Variants in RGS9 observed in about 807,000 individuals in gnomAD.
The protein encoded by RGS9 is regulator of G-protein signalling 9.
RGS9 carries 78 observed loss-of-function variants against 102.0 expected under a neutral mutation model. The ratio of observed to expected loss-of-function variants is 0.76; its 90% CI spans 0.64 to 0.92. The LOEUF (loss-of-function observed/expected upper bound fraction) is 0.92. RGS9 is among the 40% of genes least tolerant of loss of function. The pLI, the probability that RGS9 is intolerant of heterozygous loss-of-function variation, is 0.00. For synonymous variants in RGS9, 353 were observed against 318.6 expected (o/e 1.11, Z -1.15); for missense variants, 833 against 866.1 (o/e 0.96, Z 0.48).
Position 65,213,205 on chromosome 17 carries a change from G to T in RGS9, c.1407+2600G>T, listed in dbSNP as rs532125936. On this transcript the variant is annotated intron_variant, in intron 17 of 18. Coordinates refer to ENST00000262406, the MANE Select transcript of RGS9 (RefSeq NM_003835.4). ...TTTACTTGAAGATTTGGAATGGGAG[G>T]AAAATTAGGTAATTTCTAAAAGTTT... Among the ~76,000 whole-genome samples the T allele has an allele frequency of 1.7e-4, 26 of 152,222 alleles. 1 individual carries two copies. In the South Asian group the frequency reaches 5.4e-3, roughly 32 times the overall value.
chr17:65,168,162 A>AGACTT (rs1911265562), intron 7 of RGS9, 38 bp from the exon 8 acceptor site: 2 of 1,445,638 alleles, frequency 1.4e-6, no homozygotes, highest in African/African-American at 1.4e-5. Context: ...AAAGACACAA[A>AGACTT]GTCTTCCTGG....
intron 1 of RGS9, among the ~76,000 whole-genome samples, chr17:65,151,655 C>G (rs1360868473): frequency 6.6e-6 from 1 of 152,230 alleles, no homozygotes; most frequent in Non-Finnish European, 1.5e-5. Context: ...CCTTCCAAGG[C>G]AGACACCTTT....
At chr17:65,210,052 T>C (rs1157260362) in intron 16 of RGS9, among the ~76,000 whole-genome samples, 1 of 152,102 alleles carries the variant, frequency 6.6e-6, no homozygotes. Context: ...CATTCCAGCC[T>C]CGGTGATTCA....
chr17:65,189,536 C>A (rs573614731), intron 10 of RGS9, among the ~76,000 whole-genome samples: 1 of 152,188 alleles, frequency 6.6e-6, no homozygotes, highest in South Asian at 2.1e-4. Flanking sequence ...AAAAACCCCT[C>A]GAAGGCACAG....
intron 1 of RGS9, among the ~76,000 whole-genome samples, chr17:65,150,925 A>G (rs1910554489): frequency 6.6e-6 from 1 of 152,190 alleles, no homozygotes; most frequent in East Asian, 1.9e-4. Context: ...GGGGAACATG[A>G]AGTTTGAAAC....
rs1913144020 is a variant in RGS9, at chr17:65,208,155, C to T, written c.1289+148C>T. On this transcript the variant is annotated intron_variant, in intron 16 of 18. Coordinates refer to ENST00000262406, the MANE Select transcript of RGS9 (RefSeq NM_003835.4). ...AGTATTGCTCAGGGAATGAGTGCCTCATTTGCTTCATAATGCCCTGAAATC... is the reference window on the plus strand; with the variant it reads ...AGTATTGCTCAGGGAATGAGTGCCTTATTTGCTTCATAATGCCCTGAAATC... The T allele has an allele frequency of 9.2e-6, 6 of 655,708 alleles. No homozygotes were observed. The South Asian group carries it at 9.2e-5, about 10-fold the overall frequency. The allele number at this position is 655,708 out of a possible 1,614,324, so 40.6% of individuals were successfully genotyped here.
intron 17 of RGS9, among the ~76,000 whole-genome samples, chr17:65,223,597 C>G (rs1328640555): frequency 6.6e-6 from 1 of 152,202 alleles, no homozygotes; most frequent in African/African-American, 2.4e-5. Context: ...TCCTTCAGCC[C>G]GGGGGCAGTG....
chr17:65,146,633 G>A (rs915875410), intron 1 of RGS9, among the ~76,000 whole-genome samples: 1 of 151,686 alleles, frequency 6.6e-6, no homozygotes, highest in East Asian at 1.9e-4. Flanking sequence ...GGTGGCTCAT[G>A]CCTGTAATCC....
chr17:65,226,617 G>GTTT (rs142345483), intron 18 of RGS9, among the ~76,000 whole-genome samples: 1,538 of 142,186 alleles, frequency 0.011, 36 homozygotes, highest in African/African-American at 0.039. Flanking sequence ...TTGTCTGGGT[G>GTTT]TTTTTTTTTT....
rs1905762897 is a variant in RGS9 at position 65,227,678 on chromosome 17, A to G, written c.*271A>G. ...TTTCCCTGCTGCCTTAAAACCAATA[A>G]AAGGTTAACTTTAAGTTTCTTGGAA... On this transcript the variant is annotated 3_prime_UTR_variant, in exon 19 of 19. Transcript: ENST00000262406. 1 of 495,268 alleles carries G rather than the reference A, an allele frequency of 2.0e-6. No individual in the cohort carries two copies. Among genetic ancestry groups the G allele is most frequent in the East Asian group, 3.8e-5 (1 of 26,622 alleles). The allele number at this position is 495,268 out of a possible 1,614,324, so 30.7% of individuals were successfully genotyped here. A position where few individuals can be genotyped will look rare whatever the true frequency, so the allele number is the denominator to read the frequency against.
chr17:65,189,710 C>T (rs59885956), intron 10 of RGS9, among the ~76,000 whole-genome samples: 17,005 of 152,214 alleles, frequency 0.11, 1,048 homozygotes, highest in Middle Eastern at 0.17. Context: ...AGACAGAGTC[C>T]TGGGAACCAT....
At chr17:65,154,356 A>T (rs1026231037) in intron 2 of RGS9, among the ~76,000 whole-genome samples, 1 of 152,066 alleles carries the variant, frequency 6.6e-6, no homozygotes, top group Non-Finnish European at 1.5e-5. Context: ...ACATTTGCTG[A>T]CTCCTGGACT....
chr17:65,190,310 AC>A, intron 11 of RGS9, 74 bp downstream of exon 11: 1 of 1,181,020 alleles, frequency 8.5e-7, no homozygotes, highest in South Asian at 1.2e-5. Context: ...TGCAAACTCG[AC>A]AAGTCCTGGG....
intron 3 of RGS9, chr17:65,158,700 A>G (rs976676815): frequency 5.0e-6 from 2 of 398,294 alleles, no homozygotes; most frequent in Non-Finnish European, 9.5e-6. Context: ...AGCAAGAGCA[A>G]TGGTTTAGAA....
chr17:65,202,221 C>A, intron 14 of RGS9, 141 bp downstream of exon 14: 1 of 672,998 alleles, frequency 1.5e-6, no homozygotes. Context: ...ACTGTACTTG[C>A]CATGCTAGAA....
chr17:65,210,360 C>A (rs2144109028), intron 16 of RGS9, 128 bp from the exon 17 acceptor site: 3 of 1,213,044 alleles, frequency 2.5e-6, no homozygotes, highest in Non-Finnish European at 3.6e-6. Context: ...TGGAGGTTCA[C>A]TGGAAAAAGG....
At chr17:65,182,817 C>T (rs73347632) in intron 9 of RGS9, among the ~76,000 whole-genome samples, 45,143 of 152,010 alleles carry the variant, frequency 0.3, 10,501 homozygotes, top group African/African-American at 0.65. Flanking sequence ...CTTGTACAGC[C>T]GCCCAAGACC....
At chr17:65,188,256 G>A (rs1353499499) in intron 9 of RGS9, among the ~76,000 whole-genome samples, 2 of 152,148 alleles carry the variant, frequency 1.3e-5, no homozygotes, top group Non-Finnish European at 2.9e-5. Context: ...TGAACATGAA[G>A]CCCCTCTTGG....
chr17:65,156,484 A>T (rs1051102128), intron 2 of RGS9, among the ~76,000 whole-genome samples: 1 of 152,246 alleles, frequency 6.6e-6, no homozygotes, highest in Non-Finnish European at 1.5e-5. Context: ...GAAACAACAC[A>T]GGGAGAAGCC....
Sources: gnomAD v4.1 joint callset for allele counts (sites outside exome capture counted in the v4.1 genomes callset) on GRCh38, gnomAD v4.1.1 for gene constraint, MANE v1.5 for transcripts, NCBI Gene and HGNC (gene_info 2026-07-23, HGNC 2026-07-21) for gene names.